Variants in PDE3B observed in about 807,000 individuals in gnomAD.
PDE3B encodes cGMP-inhibited 3',5'-cyclic phosphodiesterase 3B.
A neutral mutation model predicts 116.8 loss-of-function variants in PDE3B; 66 were observed. The observed-to-expected ratio is 0.56, with a 90% CI of 0.46 to 0.69. The LOEUF (loss-of-function observed/expected upper bound fraction) is 0.69, where lower values mean the gene tolerates loss of function less well. Ranked by LOEUF, PDE3B falls within the 30% of genes least tolerant of loss-of-function variation. PDE3B has a pLI of 0.00. For synonymous variants in PDE3B, 595 were observed against 533.6 expected (o/e 1.12, Z -1.59); for missense variants, 1,384 against 1,368.1 (o/e 1.01, Z -0.18).
chr11:14,759,086 A>C (rs1049445428), intron 1 of PDE3B, among the ~76,000 whole-genome samples: 2 of 152,168 alleles, frequency 1.3e-5, no homozygotes, highest in African/African-American at 4.8e-5. Flanking sequence ...ATTTGCGTAT[A>C]TTGAACCAGC....
At chr11:14,823,173 C>A (rs533675417) in intron 7 of PDE3B, among the ~76,000 whole-genome samples, 2 of 152,180 alleles carry the variant, frequency 1.3e-5, no homozygotes, top group African/African-American at 2.4e-5. Flanking sequence ...GCCATTGTTG[C>A]CTTCTGGCTC....
chr11:14,706,672 G>C, intron 1 of PDE3B, among the ~76,000 whole-genome samples: 1 of 151,668 alleles, frequency 6.6e-6, no homozygotes, highest in East Asian at 1.9e-4. Context: ...CACTTTCAAA[G>C]AAACAAAAAA....
the PDE3B span, chr11:14,891,885 T>C: frequency 6.8e-7 from 1 of 1,464,316 alleles, no homozygotes; most frequent in Non-Finnish European, 9.2e-7. Flanking sequence ...TCCCGACTAG[T>C]CGGCCCAGGG....
the PDE3B span, among the ~76,000 whole-genome samples, chr11:14,895,435 A>G: frequency 6.6e-6 from 1 of 152,206 alleles, no homozygotes; most frequent in Admixed American, 6.5e-5. Context: ...TTAAAGTGTT[A>G]TCTTGCTTTT....
chr11:14,803,978 A>G lies in PDE3B; in HGVS notation c.1450A>G (p.Asn484Asp). 1 of 1,610,974 alleles carries G rather than the reference A, an allele frequency of 6.2e-7. No homozygotes were observed. Among genetic ancestry groups the G allele is most frequent in the Non-Finnish European group, 8.5e-7 (1 of 1,177,184 alleles). ...GCYLNGPFNS[N>D]LLTIPKQRSS... is the part of the protein sequence containing the mutation. ...CTATCTAAATGGGCCTTTTAATTCA[A>G]ATCTACTGACTATCCCGAAGCAAAG... is the stretch of plus-strand genomic sequence containing the variant. The change falls in exon 5 of 16, where the codon AAT (asparagine) becomes GAT (aspartate). Residue 484 changes from asparagine (N) to aspartate (D), a missense_variant. By Grantham distance (23) the Asn-to-Asp change is conservative. Transcript: ENST00000282096.
rs1478995302 is a variant in PDE3B, at chr11:14,870,830, T to A, written c.*1170T>A. ...AATACTTATTTTTCATATAAAAATCTAAATGTGTTAATAAATCATTTCATA... is the reference window on the plus strand; with the variant it reads ...AATACTTATTTTTCATATAAAAATCAAAATGTGTTAATAAATCATTTCATA... On this transcript the variant is annotated 3_prime_UTR_variant, in exon 16 of 16. Coordinates refer to ENST00000282096, the MANE Select transcript of PDE3B (RefSeq NM_000922.4). The surrounding 1 kb of genome is among the most constrained non-coding windows in gnomAD (Gnocchi z 4.1). 1 of 152,214 alleles carries A rather than the reference T, an allele frequency of 6.6e-6. No individual in the cohort carries two copies. Among genetic ancestry groups the A allele is most frequent in the African/African-American group, 2.4e-5 (1 of 41,468 alleles). The allele number at this position is 152,214 out of a possible 1,614,324, so 9.4% of individuals were successfully genotyped here.
chr11:14,853,304 A>G (rs1555005586), intron 12 of PDE3B, among the ~76,000 whole-genome samples: 1 of 152,188 alleles, frequency 6.6e-6, no homozygotes, highest in Non-Finnish European at 1.5e-5. Context: ...AATGGAATAT[A>G]AAGTTCCACA....
At chr11:14,725,313 T>TTCTTTCTTTCTTTCTTTC (rs1565109692) in intron 1 of PDE3B, among the ~76,000 whole-genome samples, 1 of 67,108 alleles carries the variant, frequency 1.5e-5, no homozygotes, top group East Asian at 4.9e-4. Context: ...TTCTTTCTCT[T>TTCTTTCTTTCTTTCTTTC]TCTTTCTTTC....
chr11:14,821,200 G>A (rs981508366), intron 7 of PDE3B, among the ~76,000 whole-genome samples: 1 of 152,134 alleles, frequency 6.6e-6, no homozygotes, highest in Admixed American at 6.6e-5. Context: ...CCCTCCATGG[G>A]CTTCTTCAGT....
intron 2 of PDE3B, among the ~76,000 whole-genome samples, chr11:14,777,374 C>G (rs577507384): frequency 1.9e-4 from 29 of 152,288 alleles, no homozygotes; most frequent in Middle Eastern, 6.8e-3. Context: ...TAGCCAAAAA[C>G]TTAATCCTAC....
At chr11:14,846,231 G>T (rs1338865477) in intron 12 of PDE3B, among the ~76,000 whole-genome samples, 16 of 152,166 alleles carry the variant, frequency 1.1e-4, no homozygotes, top group East Asian at 5.8e-4. Context: ...TTCATATCCA[G>T]CCAAACTAAG....
rs1855740245 is a variant in PDE3B at position 14,712,547 on chromosome 11, T to C, written c.979-59390T>C. Among the ~76,000 whole-genome samples the C allele has an allele frequency of 2.2e-5, 3 of 134,742 alleles. No homozygotes were observed. The South Asian group carries it at 7.6e-4, about 34-fold the overall frequency. 88.4% of individuals were successfully genotyped at this position (134,742 alleles called of 152,430 possible). A position where few individuals can be genotyped will look rare whatever the true frequency, so the allele number is the denominator to read the frequency against. On this transcript the variant is annotated intron_variant, in intron 1 of 15. Coordinates refer to ENST00000282096, the MANE Select transcript of PDE3B (RefSeq NM_000922.4). ...TGGAGTGCAGTGGCATGATCTTGGCTCACTACAGTCTCCGCCTCGCAGGTT... is the reference window on the plus strand; with the variant it reads ...TGGAGTGCAGTGGCATGATCTTGGCCCACTACAGTCTCCGCCTCGCAGGTT...
chr11:14,891,428 T>C, the PDE3B span: 3 of 985,712 alleles, frequency 3.0e-6, no homozygotes, highest in Non-Finnish European at 2.4e-6. Flanking sequence ...TTCACAATCG[T>C]TTCCCAGGGC....
intron 1 of PDE3B, among the ~76,000 whole-genome samples, chr11:14,723,567 A>C (rs1006217063): frequency 2.0e-5 from 3 of 152,052 alleles, no homozygotes; most frequent in Admixed American, 2.0e-4. Flanking sequence ...CAGCCTGGGC[A>C]ATATAGTGAG....
rs1195404036 is a variant in PDE3B at position 14,818,275 on chromosome 11, G to C, written c.1615G>C (p.Asp539His). The C allele has an allele frequency of 6.2e-7, 1 of 1,613,156 alleles. No homozygotes were observed. The highest frequency in any genetic ancestry group is 1.3e-5 in the African/African-American group (1 of 74,872). The change falls in exon 6 of 16, where the codon GAT becomes CAT. Residue 539 changes from aspartate to histidine, a missense_variant. Asp to His is a moderately conservative substitution (Grantham distance 81). This residue lies in a region of PDE3B where 956 missense variants were observed against 806.8 expected (regional missense o/e 1.18). Transcript: ENST00000282096. ...TAATCGATCACCCATAGAATTTCCT[G>C]ATACTGCTGATTTTCTTAATAAGCC... is the stretch of plus-strand genomic sequence containing the variant. Reference protein sequence around the residue: ...LTNRSPIEFPDTADFLNKPSV... With the variant: ...LTNRSPIEFPHTADFLNKPSV...
chr11:14,879,446 G>A, the PDE3B span: 1 of 1,595,778 alleles, frequency 6.3e-7, no homozygotes, highest in African/African-American at 1.3e-5. Context: ...AACTTGTCCT[G>A]TCAGAGAAAA....
At chr11:14,662,715 A>C (rs1853972960) in intron 1 of PDE3B, among the ~76,000 whole-genome samples, 1 of 152,218 alleles carries the variant, frequency 6.6e-6, no homozygotes, top group Non-Finnish European at 1.5e-5. Context: ...TCAGTGATGG[A>C]AGATGAAATG....
At chr11:14,687,558 TG>T (rs1047396319) in intron 1 of PDE3B, among the ~76,000 whole-genome samples, 8 of 152,198 alleles carry the variant, frequency 5.3e-5, no homozygotes, top group Non-Finnish European at 7.3e-5. Context: ...TTGGTTTTTC[TG>T]TCACCCAAGG....
intron 5 of PDE3B, 152 bp from the exon 6 acceptor site, chr11:14,818,031 G>T: frequency 1.7e-6 from 1 of 602,544 alleles, no homozygotes; most frequent in South Asian, 2.3e-5. Context: ...CTAGAATATT[G>T]TGAGGCCCCA....
Sources: allele counts gnomAD v4.1 joint callset (sites outside exome capture counted in the v4.1 genomes callset), GRCh38; gene constraint gnomAD v4.1.1; regional missense constraint gnomAD v4.1.1; non-coding constraint Gnocchi (gnomAD v3.1); transcripts MANE v1.5; gene names NCBI Gene and HGNC (gene_info 2026-07-23, HGNC 2026-07-21).